The following IPO8 variants were observed in gnomAD, a reference collection of about 807,000 sequenced individuals.
The protein encoded by IPO8 is importin-8.
IPO8 carries 65 observed loss-of-function variants against 141.2 expected under a neutral mutation model. That is an observed-to-expected ratio of 0.46 (90% CI 0.38 to 0.57). IPO8 has a LOEUF of 0.57. Ranked by LOEUF, IPO8 falls within the 20% of genes least tolerant of loss-of-function variation. The probability of loss-of-function intolerance (pLI) is 0.00; values close to 1 mark genes in which losing one functional copy is unlikely to be tolerated. For missense variants in IPO8, 980 were observed against 1,246.8 expected (o/e 0.79, Z 3.22); for synonymous variants, 411 against 420.3 (o/e 0.98, Z 0.27).
At chr12:30,670,026 C>T (rs1014369378) in intron 9 of IPO8, among the ~76,000 whole-genome samples, 6 of 152,072 alleles carry the variant, frequency 3.9e-5, no homozygotes, top group African/African-American at 1.4e-4. Context: ...TACTTTACAG[C>T]TATGTAAAAA....
chr12:30,629,710 G>A lies in IPO8; in HGVS notation c.*1150C>T, dbSNP rs2052404500. The A allele has an allele frequency of 6.6e-6, 1 of 152,048 alleles. No homozygotes were observed. The highest frequency in any genetic ancestry group is 1.5e-5 in the Non-Finnish European group (1 of 68,022). 9.4% of individuals were successfully genotyped at this position (152,048 alleles called of 1,614,324 possible). A position where few individuals can be genotyped will look rare whatever the true frequency, so the allele number is the denominator to read the frequency against. On this transcript the variant is annotated 3_prime_UTR_variant, in exon 25 of 25. Coordinates refer to ENST00000256079, the MANE Select transcript of IPO8 (RefSeq NM_006390.4). Reference sequence around the variant, plus strand: ...TCTCCATATGCAATATTTCCTATAGGCAACCTAAAAGTGCAGCTGCCCCAA... The same window carrying A: ...TCTCCATATGCAATATTTCCTATAGACAACCTAAAAGTGCAGCTGCCCCAA...
chr12:30,644,928 C>T (rs2052623317), intron 20 of IPO8, among the ~76,000 whole-genome samples: 1 of 151,640 alleles, frequency 6.6e-6, no homozygotes, highest in Non-Finnish European at 1.5e-5. Flanking sequence ...GCTGGGATTA[C>T]AGGCGTAAGC....
In IPO8 at chr12:30,629,441, C is replaced by T. The variant is rs2136118831; in HGVS notation, c.*1419G>A. ...GGCTACTTCTATAGACATCACTTAACCTAAAATTCTAAAGAGTTAATATGC... is the reference window on the plus strand; with the variant it reads ...GGCTACTTCTATAGACATCACTTAATCTAAAATTCTAAAGAGTTAATATGC... On this transcript the variant is annotated 3_prime_UTR_variant, in exon 25 of 25. Transcript: ENST00000256079. The T allele has an allele frequency of 6.6e-6, 1 of 152,198 alleles. No homozygotes were observed. Among genetic ancestry groups the T allele is most frequent in the Non-Finnish European group, 1.5e-5 (1 of 67,996 alleles). 9.4% of individuals were successfully genotyped at this position (152,198 alleles called of 1,614,324 possible).
chr12:30,637,359 T>C (rs1256706861), intron 21 of IPO8, among the ~76,000 whole-genome samples, 172 bp from the exon 22 acceptor site: 1 of 152,216 alleles, frequency 6.6e-6, no homozygotes, highest in Non-Finnish European at 1.5e-5. Flanking sequence ...AATCAAATTT[T>C]GTAAACCAAT....
At chr12:30,643,929 C>A (rs184969345) in intron 20 of IPO8, among the ~76,000 whole-genome samples, 1 of 152,350 alleles carries the variant, frequency 6.6e-6, no homozygotes, top group Admixed American at 6.5e-5. Context: ...CCTCCAAAAT[C>A]CAGTCAACAG....
intron 1 of IPO8, among the ~76,000 whole-genome samples, chr12:30,691,550 A>G (rs929153554): frequency 6.6e-6 from 1 of 152,188 alleles, no homozygotes; most frequent in African/African-American, 2.4e-5. Flanking sequence ...CCTGGACTAT[A>G]TTACAGTCCT....
In IPO8 at chr12:30,629,756, T is replaced by C. The variant is rs1565490159; in HGVS notation, c.*1104A>G. 1 of 151,972 alleles carries C rather than the reference T, an allele frequency of 6.6e-6. No homozygotes were observed. Among genetic ancestry groups the C allele is most frequent in the Non-Finnish European group, 1.5e-5 (1 of 67,980 alleles). The allele number at this position is 151,972 out of a possible 1,614,324, so 9.4% of individuals were successfully genotyped here. ...CCCAACCCTTGAAAAGTTTGAGAAGTCAAACTGAGCTATAATAAAGACACA... is the reference window on the plus strand; with the variant it reads ...CCCAACCCTTGAAAAGTTTGAGAAGCCAAACTGAGCTATAATAAAGACACA... On this transcript the variant is annotated 3_prime_UTR_variant, in exon 25 of 25. Coordinates refer to ENST00000256079, the MANE Select transcript of IPO8 (RefSeq NM_006390.4).
intron 1 of IPO8, among the ~76,000 whole-genome samples, chr12:30,690,884 A>G (rs2053285476): frequency 6.6e-6 from 1 of 152,210 alleles, no homozygotes; most frequent in Admixed American, 6.5e-5. Context: ...CCATCTATCT[A>G]ATACAGGTAT....
At position 30,656,683 on chromosome 12, in the gene IPO8, C is replaced by A; in HGVS notation, c.1948+1G>T. Reference sequence around the variant, plus strand: ...TCTTTTTATTTAACCTTTGAACTTACCAATTACATGTTTCTGCAGAACAAG... The same window carrying A: ...TCTTTTTATTTAACCTTTGAACTTAACAATTACATGTTTCTGCAGAACAAG... On this transcript the variant is annotated splice_donor_variant, in intron 17 of 24. Coordinates refer to ENST00000256079, the MANE Select transcript of IPO8 (RefSeq NM_006390.4). LOFTEE classifies it high-confidence loss of function. The A allele has an allele frequency of 6.5e-7, 1 of 1,530,718 alleles. No homozygotes were observed. The highest frequency in any genetic ancestry group is 8.9e-7 in the Non-Finnish European group (1 of 1,124,928). The allele number at this position is 1,530,718 out of a possible 1,614,324, so 94.8% of individuals were successfully genotyped here. A position where few individuals can be genotyped will look rare whatever the true frequency, so the allele number is the denominator to read the frequency against.
intron 20 of IPO8, among the ~76,000 whole-genome samples, chr12:30,646,617 T>C (rs1313920859): frequency 6.6e-6 from 1 of 152,118 alleles, no homozygotes; most frequent in Non-Finnish European, 1.5e-5. Flanking sequence ...CCATTAAAAC[T>C]AATAAATCAG....
intron 8 of IPO8, 141 bp downstream of exon 8, chr12:30,673,849 G>A (rs1449854424): frequency 3.9e-6 from 2 of 515,832 alleles, no homozygotes; most frequent in South Asian, 4.6e-5. Context: ...TAATTGCACT[G>A]TAATACATTC....
At chr12:30,680,987 T>C (rs1022764553) in intron 4 of IPO8, among the ~76,000 whole-genome samples, 1 of 152,190 alleles carries the variant, frequency 6.6e-6, no homozygotes, top group Non-Finnish European at 1.5e-5. Context: ...TTAAATAGAC[T>C]ATATAACAAA....
At chr12:30,673,269 T>C (rs557553919) in intron 8 of IPO8, among the ~76,000 whole-genome samples, 1 of 152,018 alleles carries the variant, frequency 6.6e-6, no homozygotes, top group South Asian at 2.1e-4. Flanking sequence ...AAAAAAAAAA[T>C]CTAGAAACAC....
At chr12:30,649,296 T>A in intron 19 of IPO8, 64 bp from the exon 20 acceptor site, 1 of 1,104,756 alleles carries the variant, frequency 9.1e-7, no homozygotes, top group Non-Finnish European at 1.3e-6. Flanking sequence ...CAAGTCCACA[T>A]GCACAAATGT....
At chr12:30,636,900 C>A in intron 22 of IPO8, 82 bp downstream of exon 22, 2 of 1,150,100 alleles carry the variant, frequency 1.7e-6, no homozygotes, top group Non-Finnish European at 2.6e-6. Context: ...TGTTTAATGT[C>A]TCCATATAGA....
intron 19 of IPO8, among the ~76,000 whole-genome samples, chr12:30,650,951 A>C (rs539523125): frequency 1.8e-4 from 27 of 152,206 alleles, no homozygotes; most frequent in African/African-American, 6.3e-4. Flanking sequence ...TGCTTAGAAA[A>C]TGGCTGGTAT....
intron 22 of IPO8, among the ~76,000 whole-genome samples, chr12:30,636,166 A>G (rs1426871957): frequency 6.6e-6 from 1 of 152,148 alleles, no homozygotes. Context: ...TCTCTGGTAT[A>G]TGAACAAACT....
In IPO8 at chr12:30,666,207, G is replaced by C. The variant is rs2052963024; in HGVS notation, c.1189C>G (p.Leu397Val). The change falls in exon 11 of 25, where the codon CTC becomes GTC. Residue 397 changes from leucine to valine, a missense_variant. Leu to Val is a conservative substitution (Grantham distance 32, BLOSUM62 1). Transcript: ENST00000256079. ...YASPTTAAQT[L>V]LYTAAKKRKE... ...CTTTTCTTTGCAGCAGTATATAAGA[G>C]AGTCTGGGCTGCTGTGGTGGGAGAA... The C allele has an allele frequency of 4.4e-6, 7 of 1,594,892 alleles. No individual in the cohort carries two copies. The highest frequency in any genetic ancestry group is 6.0e-6 in the Non-Finnish European group (7 of 1,171,400).
At chr12:30,645,167 G>A (rs2052627544) in intron 20 of IPO8, among the ~76,000 whole-genome samples, 1 of 151,754 alleles carries the variant, frequency 6.6e-6, no homozygotes, top group Non-Finnish European at 1.5e-5. Flanking sequence ...GAGGTCAGGA[G>A]TTCGAGATCA....
Sources: gnomAD v4.1 joint callset for allele counts (sites outside exome capture counted in the v4.1 genomes callset) on GRCh38, gnomAD v4.1.1 for gene constraint, MANE v1.5 for transcripts, NCBI Gene and HGNC (gene_info 2026-07-23, HGNC 2026-07-21) for gene names.